The following POLH variants were observed in gnomAD, a reference collection of about 807,000 sequenced individuals.
POLH encodes the protein DNA polymerase eta, also known as DNA polymerase eta transcript.
Under a neutral mutation model 73.6 loss-of-function variants are expected in POLH, and 53 were observed. The ratio of observed to expected loss-of-function variants is 0.72; its 90% CI spans 0.58 to 0.91. POLH has a LOEUF of 0.91. Among genes scored for constraint, POLH ranks in the 40% least tolerant of loss-of-function variants. The pLI, the probability that POLH is intolerant of heterozygous loss-of-function variation, is 0.00. For synonymous variants in POLH, 292 were observed against 308.5 expected (o/e 0.95, Z 0.56); for missense variants, 768 against 865.4 (o/e 0.89, Z 1.41).
intron 4 of POLH, among the ~76,000 whole-genome samples, chr6:43,594,109 G>C (rs564612260): frequency 1.3e-5 from 2 of 151,918 alleles, no homozygotes; most frequent in Admixed American, 6.6e-5. Flanking sequence ...ACAGATAAAG[G>C]ATTAAATTTA....
At chr6:43,599,573 T>TA (rs1766497057) in intron 5 of POLH, among the ~76,000 whole-genome samples, 1 of 151,470 alleles carries the variant, frequency 6.6e-6, no homozygotes, top group South Asian at 2.1e-4. Context: ...CCCTGGTTGA[T>TA]ACCTTCTCCG....
intron 3 of POLH, among the ~76,000 whole-genome samples, chr6:43,583,602 G>C (rs1764507109): frequency 6.6e-6 from 1 of 152,172 alleles, no homozygotes; most frequent in African/African-American, 2.4e-5. Context: ...GCAAATATTA[G>C]AAGTTTCACC....
chr6:43,598,630 G>A (rs112549648), intron 5 of POLH, among the ~76,000 whole-genome samples: 120 of 147,414 alleles, frequency 8.1e-4, no homozygotes, highest in African/African-American at 2.7e-3. Flanking sequence ...CAAAGACTCC[G>A]TCTCAAAAAA....
chr6:43,608,526 C>CT (rs1013503261), intron 9 of POLH, among the ~76,000 whole-genome samples: 42 of 152,168 alleles, frequency 2.8e-4, no homozygotes, highest in Admixed American at 7.9e-4. Flanking sequence ...TTTCTTTCCA[C>CT]TTTTTTTTCC....
chr6:43,611,854 A>G (rs1767914876), intron 10 of POLH, among the ~76,000 whole-genome samples: 1 of 152,012 alleles, frequency 6.6e-6, no homozygotes, highest in Non-Finnish European at 1.5e-5. Context: ...TCAGGAGTTC[A>G]AGAGCACCCC....
chr6:43,580,108 ACT>A (rs1763852626), intron 1 of POLH, among the ~76,000 whole-genome samples: 1 of 148,200 alleles, frequency 6.7e-6, no homozygotes, highest in South Asian at 2.1e-4. Flanking sequence ...ATTGGTGATG[ACT>A]CTTAACGAGC....
intron 1 of POLH, among the ~76,000 whole-genome samples, chr6:43,581,620 G>T (rs960929885): frequency 4.1e-5 from 6 of 146,144 alleles, no homozygotes; most frequent in Admixed American, 2.0e-4. Flanking sequence ...TCGCCGGCGC[G>T]GCGGCAAAGA....
intron 6 of POLH, among the ~76,000 whole-genome samples, chr6:43,601,666 T>C (rs987389143): frequency 6.6e-6 from 1 of 152,190 alleles, no homozygotes; most frequent in African/African-American, 2.4e-5. Context: ...CTCACACCTA[T>C]AGTCCCAGCA....
chr6:43,580,862 C>T (rs1214373842), intron 1 of POLH, among the ~76,000 whole-genome samples: 1 of 148,256 alleles, frequency 6.7e-6, no homozygotes, highest in Non-Finnish European at 1.5e-5. Context: ...CCCCTCACCT[C>T]CCAGACGGGG....
chr6:43,618,756 G>A lies in POLH; in HGVS notation c.*4199G>A, dbSNP rs1768511835. ...AGCGATTCTCCTGCATCAGCCTCCT[G>A]AGTAGCTGGGATTATAGGCATGCAC... On this transcript the variant is annotated 3_prime_UTR_variant, in exon 11 of 11. Coordinates refer to ENST00000372236, the MANE Select transcript of POLH (RefSeq NM_006502.3). 6.6e-6 allele frequency among the ~76,000 whole-genome samples: 1 copy of A among 152,156 alleles called. No homozygotes were observed. The highest frequency in any genetic ancestry group is 1.9e-4 in the East Asian group (1 of 5,170).
chr6:43,604,526 A>G (rs1767063672), intron 7 of POLH, 89 bp from the exon 8 acceptor site: 1 of 1,411,852 alleles, frequency 7.1e-7, no homozygotes, highest in East Asian at 2.3e-5. Flanking sequence ...TGAAAAAGAT[A>G]AAAGGGCAAT....
chr6:43,587,894 G>C (rs1386439881), intron 4 of POLH, among the ~76,000 whole-genome samples: 1 of 152,174 alleles, frequency 6.6e-6, no homozygotes, highest in Non-Finnish European at 1.5e-5. Context: ...GGGCATGGTG[G>C]CGCGTGCCTG....
chr6:43,606,933 C>T lies in POLH; in HGVS notation c.1074+1614C>T, dbSNP rs980078703. ...TTTCTCTCCCAGCTACTCCCCAGCC[C>T]TAGGCAACCACTACACTGCTTAACT... On this transcript the variant is annotated intron_variant, in intron 9 of 10. Transcript: ENST00000372236. Among the ~76,000 whole-genome samples, 6 of 152,318 alleles carry T rather than the reference C, an allele frequency of 3.9e-5. No homozygotes were observed. The East Asian group carries it at 9.6e-4, about 24-fold the overall frequency.
chr6:43,582,508 G>A (rs747944528), intron 2 of POLH, 52 bp downstream of exon 2: 2 of 1,577,006 alleles, frequency 1.3e-6, no homozygotes, highest in South Asian at 2.2e-5. Flanking sequence ...CAGTGGCACT[G>A]TGGCAGGTCC....
intron 9 of POLH, among the ~76,000 whole-genome samples, 185 bp from the exon 10 acceptor site, chr6:43,610,369 T>C (rs997976798): frequency 6.6e-6 from 1 of 152,082 alleles, no homozygotes; most frequent in Non-Finnish European, 1.5e-5. Flanking sequence ...CTGGCCTCTT[T>C]CTCTTTTTTA....
intron 5 of POLH, 42 bp downstream of exon 5, chr6:43,597,907 C>T: frequency 6.6e-7 from 1 of 1,524,466 alleles, no homozygotes. Flanking sequence ...CATTGATATC[C>T]TTAGTCAAAT....
intron 1 of POLH, among the ~76,000 whole-genome samples, chr6:43,576,967 C>T (rs1763419559): frequency 6.6e-6 from 1 of 152,154 alleles, no homozygotes; most frequent in African/African-American, 2.4e-5. Context: ...ACCAGCCTCA[C>T]CAACATGGTG....
chr6:43,617,517 C>T lies in POLH; in HGVS notation c.*2960C>T, dbSNP rs773311513. The stretch of plus-strand genomic sequence containing the variant: ...TGACGCATGCGTGTAATCCCAGCTA[C>T]TTAGGAGGCTGAGGCAGGAGAATCA... On this transcript the variant is annotated 3_prime_UTR_variant, in exon 11 of 11. Transcript: ENST00000372236. Among the ~76,000 whole-genome samples the T allele has an allele frequency of 2.7e-5, 4 of 150,400 alleles. No individual in the cohort carries two copies. Among genetic ancestry groups the T allele is most frequent in the Non-Finnish European group, 5.9e-5 (4 of 67,564 alleles).
At chr6:43,579,701 A>G (rs1763791707) in intron 1 of POLH, among the ~76,000 whole-genome samples, 1 of 152,152 alleles carries the variant, frequency 6.6e-6, no homozygotes, top group Non-Finnish European at 1.5e-5. Flanking sequence ...CATCAGAAGT[A>G]GGGGGCAGTC....
Sources: gnomAD v4.1 joint callset for allele counts (sites outside exome capture counted in the v4.1 genomes callset) on GRCh38, gnomAD v4.1.1 for gene constraint, MANE v1.5 for transcripts, NCBI Gene and HGNC (gene_info 2026-07-23, HGNC 2026-07-21) for gene names.